Variants in GPAM observed in about 807,000 individuals in gnomAD.
GPAM encodes glycerol-3-phosphate acyltransferase 1, mitochondrial.
GPAM carries 56 observed loss-of-function variants against 105.0 expected under a neutral mutation model. That is an observed-to-expected ratio of 0.53 (90% confidence interval 0.43 to 0.67). The LOEUF (loss-of-function observed/expected upper bound fraction) is 0.67. GPAM is among the 30% of genes least tolerant of loss of function. The probability of loss-of-function intolerance (pLI) is 0.00; values close to 1 mark genes in which losing one functional copy is unlikely to be tolerated. For synonymous variants in GPAM, 368 were observed against 354.4 expected (o/e 1.04, Z -0.43); for missense variants, 855 against 989.8 (o/e 0.86, Z 1.83).
chr10:112,176,151 G>C (rs1488599458), intron 5 of GPAM, among the ~76,000 whole-genome samples: 1 of 151,992 alleles, frequency 6.6e-6, no homozygotes, highest in African/African-American at 2.4e-5. Flanking sequence ...AATTTTTTTT[G>C]TTAAGTTTTT....
At chr10:112,159,812 A>G in intron 17 of GPAM, 99 bp downstream of exon 17, 1 of 1,163,760 alleles carries the variant, frequency 8.6e-7, no homozygotes, top group Non-Finnish European at 1.3e-6. Context: ...AGTATCAACA[A>G]TGGGTCAAAC....
chr10:112,207,276 A>G lies in GPAM; in HGVS notation n.210+7892T>C, dbSNP rs540054844. Among the ~76,000 whole-genome samples, 9 of 152,344 alleles carry G rather than the reference A, an allele frequency of 5.9e-5. No homozygotes were observed. In the South Asian group the frequency reaches 1.7e-3, roughly 28 times the overall value. On this transcript the variant is annotated intron_variant and non_coding_transcript_variant, in intron 1 of 3. Coordinates refer to the GPAM transcript ENST00000480130. Reference sequence around the variant, plus strand: ...GACTTATCTGATATATAGCACCTATAGGGCCAAGGTTGACCCATTCTGATC... The same window carrying G: ...GACTTATCTGATATATAGCACCTATGGGGCCAAGGTTGACCCATTCTGATC...
At chr10:112,197,884 T>C (rs1162451691) in intron 1 of GPAM, among the ~76,000 whole-genome samples, 1 of 152,124 alleles carries the variant, frequency 6.6e-6, no homozygotes, top group African/African-American at 2.4e-5. Context: ...GTGGCATGTA[T>C]AGGAATCCTA....
intron 5 of GPAM, among the ~76,000 whole-genome samples, chr10:112,176,362 A>G (rs963837319): frequency 4.6e-5 from 7 of 152,258 alleles, no homozygotes; most frequent in African/African-American, 1.7e-4. Context: ...TGTGGTGTTT[A>G]GATGGGAGGA....
At chr10:112,156,929 G>T in intron 19 of GPAM, 1 of 512,060 alleles carries the variant, frequency 2.0e-6, no homozygotes, top group South Asian at 2.8e-5. Flanking sequence ...GTCAGTGGCA[G>T]CTCAATAGCA....
rs538472276 is a variant in GPAM, at chr10:112,204,909, T to C, written n.210+10259A>G. Among the ~76,000 whole-genome samples the C allele has an allele frequency of 6.7e-3, 710 of 106,386 alleles. 8 individuals are homozygous for C. The highest frequency in any genetic ancestry group is 0.022 in the South Asian group (51 of 2,298). The allele number at this position is 106,386 out of a possible 152,430, so 69.8% of individuals were successfully genotyped here. On this transcript the variant is annotated intron_variant and non_coding_transcript_variant, in intron 1 of 3. Transcript: ENST00000480130. ...TTTGCAGACGACATGATTGTTTATCTAGAAAACCCCATCGTCTCAGCCCAA... is the reference window on the plus strand; with the variant it reads ...TTTGCAGACGACATGATTGTTTATCCAGAAAACCCCATCGTCTCAGCCCAA...
intron 1 of GPAM, among the ~76,000 whole-genome samples, chr10:112,183,258 A>G (rs1405206693): frequency 6.6e-6 from 1 of 152,232 alleles, no homozygotes; most frequent in Non-Finnish European, 1.5e-5. Context: ...ATATAAACAA[A>G]GGGTCTACCA....
At chr10:112,167,511 A>G (rs1847238967) in intron 11 of GPAM, among the ~76,000 whole-genome samples, 1 of 152,244 alleles carries the variant, frequency 6.6e-6, no homozygotes, top group Admixed American at 6.5e-5. Context: ...ATGGTATACC[A>G]TACACTGGAA....
chr10:112,193,852 C>T (rs1348747513), intron 1 of GPAM, among the ~76,000 whole-genome samples: 1 of 152,200 alleles, frequency 6.6e-6, no homozygotes, highest in African/African-American at 2.4e-5. Context: ...AAACATACTT[C>T]TTGCAGATAC....
intron 5 of GPAM, among the ~76,000 whole-genome samples, chr10:112,177,160 C>T (rs2133261082): frequency 6.6e-6 from 1 of 152,206 alleles, no homozygotes; most frequent in South Asian, 2.1e-4. Flanking sequence ...TGTACTTAGA[C>T]TTAAGTTCTA....
intron 6 of GPAM, among the ~76,000 whole-genome samples, chr10:112,174,245 T>C (rs1037405735): frequency 2.0e-5 from 3 of 152,232 alleles, no homozygotes; most frequent in African/African-American, 7.2e-5. Flanking sequence ...ATTTTTCTTT[T>C]GAAGACTTAA....
Position 112,157,387 on chromosome 10 carries a change from G to A in GPAM, c.1983C>T (p.His661=), listed in dbSNP as rs775463134. The A allele has an allele frequency of 6.8e-5, 110 of 1,613,482 alleles. No homozygotes were observed. The highest frequency in any genetic ancestry group is 1.3e-4 in the Admixed American group (8 of 59,994). The part of the protein sequence containing the change: ...IQYGILTVAE[H]DDQEDISPSL... ...TAGGACTGATATCTTCCTGGTCATC[G>A]TGCTAGGCCAAGGAGATGATGGATA... is the stretch of plus-strand genomic sequence containing the variant. The change falls in exon 19 of 22, where the codon CAC becomes CAT. Residue 661 remains histidine, a splice_region_variant and synonymous_variant. Coordinates refer to ENST00000348367, the MANE Select transcript of GPAM (RefSeq NM_001244949.2).
At chr10:112,204,756 C>T (rs1248589156) in intron 1 of GPAM, among the ~76,000 whole-genome samples, 2 of 150,752 alleles carry the variant, frequency 1.3e-5, no homozygotes, top group Non-Finnish European at 2.9e-5. Flanking sequence ...AAAACTGGCA[C>T]AAGACAGGGA....
upstream of GPAM, among the ~76,000 whole-genome samples, chr10:112,216,137 C>T (rs1158292116): frequency 6.6e-6 from 1 of 152,222 alleles, no homozygotes; most frequent in Non-Finnish European, 1.5e-5. Flanking sequence ...TCCTCTGAGG[C>T]TCTTACAGGC....
At chr10:112,154,791 G>C in intron 20 of GPAM, 104 bp from the exon 21 acceptor site, 1 of 929,508 alleles carries the variant, frequency 1.1e-6, no homozygotes. Flanking sequence ...AGAGAATGAG[G>C]GCAAGTCAGC....
chr10:112,150,104 C>A lies in GPAM; in HGVS notation c.*3446G>T. 1.0e-6 allele frequency: 1 copy of A among 983,984 alleles called. No homozygotes were observed. The highest frequency in any genetic ancestry group is 1.2e-6 in the Non-Finnish European group (1 of 828,622). 61.0% of individuals were successfully genotyped at this position (983,984 alleles called of 1,614,324 possible). A position where few individuals can be genotyped will look rare whatever the true frequency, so the allele number is the denominator to read the frequency against. ...AGCTCTAGACGTTTAGAAATAAGGT[C>A]AAGAATCTCTTTCAAATGCAATCAT... On this transcript the variant is annotated 3_prime_UTR_variant, in exon 22 of 22. Transcript: ENST00000348367.
chr10:112,188,819 A>C (rs1757462748), intron 1 of GPAM, among the ~76,000 whole-genome samples: 1 of 152,232 alleles, frequency 6.6e-6, no homozygotes, highest in Non-Finnish European at 1.5e-5. Flanking sequence ...CTTAATTTAC[A>C]GATAAGAAAA....
In GPAM at chr10:112,153,390, C is replaced by T; in HGVS notation, c.*160G>A. ...TGTGTTGATGCAGAGCTGGGAAGAT[C>T]ACAGATCCATGGAGGGAGAAGGCAC... is the stretch of plus-strand genomic sequence containing the variant. On this transcript the variant is annotated 3_prime_UTR_variant, in exon 22 of 22. Transcript: ENST00000348367. 6.4e-7 allele frequency: 1 copy of T among 1,571,642 alleles called. No homozygotes were observed. Among genetic ancestry groups the T allele is most frequent in the East Asian group, 2.3e-5 (1 of 43,994 alleles).
At chr10:112,179,895 C>T (rs985501652) in intron 4 of GPAM, among the ~76,000 whole-genome samples, 4 of 152,204 alleles carry the variant, frequency 2.6e-5, no homozygotes, top group Non-Finnish European at 4.4e-5. Context: ...CTCTCACCCA[C>T]TTGGCTCTTC....
Sources: allele counts gnomAD v4.1 joint callset (sites outside exome capture counted in the v4.1 genomes callset), GRCh38; gene constraint gnomAD v4.1.1; transcripts MANE v1.5; gene names NCBI Gene and HGNC (gene_info 2026-07-23, HGNC 2026-07-21).